Variants in CD247 observed in about 807,000 individuals in gnomAD.
The protein encoded by CD247 is CD247 molecule, also known as T-cell surface glycoprotein CD3 zeta chain.
In CD247, 13 loss-of-function variants were observed where a neutral mutation model predicts 30.0. That is an observed-to-expected ratio of 0.43 (90% CI 0.28 to 0.69). The LOEUF (loss-of-function observed/expected upper bound fraction) is 0.69. CD247 is among the 30% of genes least tolerant of loss of function. The pLI, the probability that CD247 is intolerant of heterozygous loss-of-function variation, is 0.16. For synonymous variants in CD247, 72 were observed against 80.0 expected, an observed-to-expected ratio of 0.90 and a Z score of 0.53; for missense variants, 193 against 212.6, an observed-to-expected ratio of 0.91 and a Z score of 0.57.
chr1:167,461,402 T>G (rs141695553), intron 1 of CD247, among the ~76,000 whole-genome samples: 95 of 152,306 alleles, frequency 6.2e-4, no homozygotes, highest in African/African-American at 1.8e-3. Flanking sequence ...GAAATACAGA[T>G]CTCACTGTAG....
intron 1 of CD247, among the ~76,000 whole-genome samples, chr1:167,470,872 C>CT (rs768647657): frequency 0.038 from 5,042 of 134,226 alleles, 208 homozygotes; most frequent in East Asian, 0.092. Context: ...TTCTTTCTTT[C>CT]TTTTTTTTTT....
At chr1:167,443,092 C>A (rs1557997435) in intron 1 of CD247, among the ~76,000 whole-genome samples, 1 of 152,170 alleles carries the variant, frequency 6.6e-6, no homozygotes, top group Non-Finnish European at 1.5e-5. Flanking sequence ...ACTGTCCCAC[C>A]ACCTGAGCCC....
At chr1:167,473,615 G>C (rs1440142026) in intron 1 of CD247, among the ~76,000 whole-genome samples, 1 of 152,198 alleles carries the variant, frequency 6.6e-6, no homozygotes, top group Non-Finnish European at 1.5e-5. Flanking sequence ...GGGAGTCCTA[G>C]GTCTTTTCTG....
At chr1:167,500,711 A>G (rs558270110) in intron 1 of CD247, among the ~76,000 whole-genome samples, 6 of 152,258 alleles carry the variant, frequency 3.9e-5, no homozygotes, top group African/African-American at 1.4e-4. Flanking sequence ...CCATGAACAG[A>G]GCAAATCAGA....
At chr1:167,470,198 G>A (rs907547328) in intron 1 of CD247, among the ~76,000 whole-genome samples, 15 of 152,224 alleles carry the variant, frequency 9.9e-5, no homozygotes, top group African/African-American at 3.4e-4. Flanking sequence ...ACAGGCATGA[G>A]CCACCATGCC....
intron 1 of CD247, among the ~76,000 whole-genome samples, chr1:167,441,690 G>T (rs867403010): frequency 6.6e-6 from 1 of 152,324 alleles, no homozygotes; most frequent in East Asian, 1.9e-4. Flanking sequence ...TTTCCCAGGG[G>T]CCCCTAACTC....
At chr1:167,442,796 C>T (rs764964691) in intron 1 of CD247, among the ~76,000 whole-genome samples, 24 of 152,140 alleles carry the variant, frequency 1.6e-4, no homozygotes, top group Admixed American at 9.2e-4. Context: ...CCTCTTGCCC[C>T]CAGGCAGCTG....
Position 167,431,406 on chromosome 1 carries a change from G to A in CD247, c.*275C>T, listed in dbSNP as rs1049003500. ...AGTGCGCCCGCCTCCCAGGGAGAAC[G>A]AGGAACCGCCAGGAGACAGGTCTAC... is the stretch of plus-strand genomic sequence containing the variant. On this transcript the variant is annotated 3_prime_UTR_variant, in exon 8 of 8. Coordinates refer to ENST00000362089, the MANE Select transcript of CD247 (RefSeq NM_198053.3). The A allele has an allele frequency of 1.0e-5, 6 of 599,556 alleles. No homozygotes were observed. In the South Asian group the frequency reaches 1.0e-4, roughly 10 times the overall value. 37.1% of individuals were successfully genotyped at this position (599,556 alleles called of 1,614,324 possible). A position where few individuals can be genotyped will look rare whatever the true frequency, so the allele number is the denominator to read the frequency against.
chr1:167,433,465 G>A (rs1374467616), intron 6 of CD247, among the ~76,000 whole-genome samples: 2 of 152,218 alleles, frequency 1.3e-5, no homozygotes, highest in African/African-American at 4.8e-5. Context: ...GTTCAATCAC[G>A]TGCCCGTTTA....
In CD247 at chr1:167,501,845, G is replaced by A. The variant is rs76667156; in HGVS notation, c.58+16563C>T. ...ACTTCAGACCACTGTATGTGGAGCC[G>A]AGATGTCAGAGCTGGAGCAGAGAAG... On this transcript the variant is annotated intron_variant, in intron 1 of 7. Coordinates refer to ENST00000362089, the MANE Select transcript of CD247 (RefSeq NM_198053.3). Among the ~76,000 whole-genome samples the A allele has an allele frequency of 2.1e-3, 327 of 152,336 alleles. 1 individual carries two copies. The highest frequency in any genetic ancestry group is 7.1e-3 in the African/African-American group (296 of 41,566).
chr1:167,487,401 A>G (rs1654258594), intron 1 of CD247, among the ~76,000 whole-genome samples: 1 of 152,168 alleles, frequency 6.6e-6, no homozygotes, highest in Non-Finnish European at 1.5e-5. Context: ...AAAACGAAGA[A>G]AGAAAAGGCA....
chr1:167,505,035 T>C (rs1655057533), intron 1 of CD247, among the ~76,000 whole-genome samples: 2 of 152,250 alleles, frequency 1.3e-5, no homozygotes, highest in African/African-American at 4.8e-5. Context: ...ATATTCTACC[T>C]ATATTTACAT....
At chr1:167,487,409 G>T (rs2102072338) in intron 1 of CD247, among the ~76,000 whole-genome samples, 1 of 152,228 alleles carries the variant, frequency 6.6e-6, no homozygotes, top group South Asian at 2.1e-4. Flanking sequence ...GAAAGAAAAG[G>T]CAGCTCCATG....
intron 1 of CD247, among the ~76,000 whole-genome samples, chr1:167,485,334 G>A (rs532957973): frequency 9.2e-4 from 140 of 152,302 alleles, no homozygotes; most frequent in African/African-American, 3.1e-3. Context: ...CGCTGCGTCT[G>A]GGGAGCTCAG....
intron 1 of CD247, among the ~76,000 whole-genome samples, chr1:167,449,153 T>TTC (rs1553229961): frequency 9.4e-5 from 5 of 53,286 alleles, no homozygotes; most frequent in Non-Finnish European, 1.3e-4. Context: ...TCTTTTCTTT[T>TTC]TTTTTTTTTT....
chr1:167,483,014 T>TTC (rs201352585), intron 1 of CD247, among the ~76,000 whole-genome samples: 1 of 135,168 alleles, frequency 7.4e-6, no homozygotes, highest in Admixed American at 7.5e-5. Flanking sequence ...CTTTCTTTCT[T>TTC]TTTTTTTTTT....
Sources: gnomAD v4.1 joint callset for allele counts (sites outside exome capture counted in the v4.1 genomes callset) on GRCh38, gnomAD v4.1.1 for gene constraint, MANE v1.5 for transcripts, NCBI Gene and HGNC (gene_info 2026-07-23, HGNC 2026-07-21) for gene names.